Variants in BAIAP2L1 observed in about 807,000 individuals in gnomAD.
BAIAP2L1 encodes the protein BAR/IMD domain-containing adapter protein 2-like 1.
A neutral mutation model predicts 66.3 loss-of-function variants in BAIAP2L1; 35 were observed. That is an observed-to-expected ratio of 0.53 (90% CI 0.40 to 0.70). BAIAP2L1 has a LOEUF of 0.70. Among genes scored for constraint, BAIAP2L1 ranks in the 30% least tolerant of loss-of-function variants. The pLI is 0.00. For missense variants in BAIAP2L1, 622 were observed against 656.9 expected, an observed-to-expected ratio of 0.95 and a Z score of 0.58; for synonymous variants, 269 against 248.7, an observed-to-expected ratio of 1.08 and a Z score of -0.77.
chr7:98,313,792 C>G (rs1800967754), intron 7 of BAIAP2L1, among the ~76,000 whole-genome samples: 1 of 132,944 alleles, frequency 7.5e-6, no homozygotes, highest in Non-Finnish European at 1.6e-5. Flanking sequence ...CTAATTAAAA[C>G]TTTTTTTTTT....
intron 3 of BAIAP2L1, among the ~76,000 whole-genome samples, chr7:98,340,823 T>A (rs1291370653): frequency 6.6e-6 from 1 of 150,876 alleles, no homozygotes; most frequent in East Asian, 2.0e-4. Flanking sequence ...GGGACAGAGT[T>A]TCACTCTGTC....
intron 3 of BAIAP2L1, among the ~76,000 whole-genome samples, chr7:98,324,327 CAG>C (rs1404449283): frequency 1.3e-5 from 2 of 152,234 alleles, no homozygotes; most frequent in Admixed American, 6.5e-5. Context: ...ATAATTCACA[CAG>C]AGTGTTAGAG....
chr7:98,382,353 T>C (rs1325186891), intron 1 of BAIAP2L1, among the ~76,000 whole-genome samples: 2 of 152,088 alleles, frequency 1.3e-5, no homozygotes, highest in East Asian at 1.9e-4. Flanking sequence ...AGTTCAAGAT[T>C]AGAAAATTTC....
chr7:98,330,963 A>C (rs1205084127), intron 3 of BAIAP2L1, among the ~76,000 whole-genome samples: 1 of 152,110 alleles, frequency 6.6e-6, no homozygotes. Flanking sequence ...CTAGGCCCCC[A>C]CCTCCAATAG....
chr7:98,296,151 A>C (rs1005987108), intron 12 of BAIAP2L1, among the ~76,000 whole-genome samples: 10 of 152,230 alleles, frequency 6.6e-5, no homozygotes, highest in East Asian at 3.8e-4. Flanking sequence ...GCCACCCCAG[A>C]CAGCCATCTC....
intron 12 of BAIAP2L1, among the ~76,000 whole-genome samples, chr7:98,300,033 T>C (rs1361033523): frequency 6.6e-6 from 1 of 152,172 alleles, no homozygotes; most frequent in Non-Finnish European, 1.5e-5. Context: ...AGAGCAAGAC[T>C]CCGTCTCATA....
intron 1 of BAIAP2L1, among the ~76,000 whole-genome samples, chr7:98,388,385 C>A (rs539121060): frequency 5.9e-5 from 9 of 152,160 alleles, no homozygotes; most frequent in Non-Finnish European, 2.9e-5. Flanking sequence ...CCCGGCTACT[C>A]GGGAGGCCAA....
chr7:98,379,634 T>C (rs1451969191), intron 1 of BAIAP2L1, among the ~76,000 whole-genome samples: 1 of 152,214 alleles, frequency 6.6e-6, no homozygotes, highest in Non-Finnish European at 1.5e-5. Context: ...AAGGCATTAA[T>C]GTGGCCTCTT....
chr7:98,380,744 T>C (rs917651561), intron 1 of BAIAP2L1, among the ~76,000 whole-genome samples: 20 of 149,892 alleles, frequency 1.3e-4, no homozygotes, highest in Non-Finnish European at 2.4e-4. Flanking sequence ...CCGTTTTTTT[T>C]TTTTTTTTAA....
intron 3 of BAIAP2L1, among the ~76,000 whole-genome samples, chr7:98,352,459 T>A (rs951356466): frequency 6.6e-6 from 1 of 152,190 alleles, no homozygotes; most frequent in South Asian, 2.1e-4. Context: ...CTGGCCAAGA[T>A]GGTGAAACCA....
rs1800049425 is a variant in BAIAP2L1 at position 98,293,404 on chromosome 7, A to G, written c.*117T>C. Reference sequence around the variant, plus strand: ...AGCATGATTTGCTTAAGCAGGCGACATTAGAGTTAGGCCTCTCCACTGAAG... The same window carrying G: ...AGCATGATTTGCTTAAGCAGGCGACGTTAGAGTTAGGCCTCTCCACTGAAG... On this transcript the variant is annotated 3_prime_UTR_variant, in exon 14 of 14. Transcript: ENST00000005260. 1 of 931,636 alleles carries G rather than the reference A, an allele frequency of 1.1e-6. No homozygotes were observed. Among genetic ancestry groups the G allele is most frequent in the Non-Finnish European group, 1.7e-6 (1 of 593,730 alleles). 57.7% of individuals were successfully genotyped at this position (931,636 alleles called of 1,614,324 possible).
intron 3 of BAIAP2L1, among the ~76,000 whole-genome samples, chr7:98,346,078 G>GTGAATATAC (rs1801867003): frequency 6.6e-6 from 1 of 152,178 alleles, no homozygotes; most frequent in Admixed American, 6.6e-5. Flanking sequence ...ACACAACTTT[G>GTGAATATAC]TGAATATACT....
chr7:98,315,439 G>C (rs1189212622), intron 7 of BAIAP2L1, 21 bp downstream of exon 7: 4 of 1,390,840 alleles, frequency 2.9e-6, no homozygotes, highest in Non-Finnish European at 3.8e-6. Flanking sequence ...TACGCTCAAG[G>C]CAATTTGCCA....
chr7:98,292,983 T>C lies in BAIAP2L1; in HGVS notation c.*538A>G. 1.3e-5 allele frequency: 15 copies of C among 1,186,654 alleles called. No individual in the cohort carries two copies. In the South Asian group the frequency reaches 1.7e-4, roughly 14 times the overall value. The allele number at this position is 1,186,654 out of a possible 1,614,324, so 73.5% of individuals were successfully genotyped here. On this transcript the variant is annotated 3_prime_UTR_variant, in exon 14 of 14. Coordinates refer to ENST00000005260, the MANE Select transcript of BAIAP2L1 (RefSeq NM_018842.5). Reference sequence around the variant, plus strand: ...GGGAGGGTGGGGGTTTCTCCATCTCTGGAAGCTCTACACTTAAACATTTTA... The same window carrying C: ...GGGAGGGTGGGGGTTTCTCCATCTCCGGAAGCTCTACACTTAAACATTTTA...
chr7:98,391,364 T>C (rs1803039901), intron 1 of BAIAP2L1, among the ~76,000 whole-genome samples: 2 of 152,234 alleles, frequency 1.3e-5, no homozygotes, highest in South Asian at 4.1e-4. Flanking sequence ...CATCTCACTT[T>C]TATCCACAAA....
Position 98,306,481 on chromosome 7 carries a change from A to G in BAIAP2L1, c.1199T>C (p.Leu400Pro). ...CACTGCTTCTGTCTCATTTTCTTCC[A>G]GCAACTTCGTGTACGACGACGGGAA... ...GWFPSSYTKL[L>P]EENETEAVTV... The change falls in exon 11 of 14, where the codon CTG (leucine) becomes CCG (proline). Residue 400 changes from leucine to proline, a missense_variant. Leu to Pro is a moderately conservative substitution (Grantham distance 98). Transcript: ENST00000005260. 2.5e-6 allele frequency: 4 copies of G among 1,614,130 alleles called. No individual in the cohort carries two copies. Among genetic ancestry groups the G allele is most frequent in the Non-Finnish European group, 3.4e-6 (4 of 1,180,032 alleles).
intron 9 of BAIAP2L1, chr7:98,308,571 C>T (rs1800752278): frequency 6.0e-6 from 2 of 331,716 alleles, no homozygotes; most frequent in Non-Finnish European, 1.2e-5. Context: ...CAGGTTTGTC[C>T]CATACTCTCT....
At chr7:98,391,551 T>C (rs1196778899) in intron 1 of BAIAP2L1, among the ~76,000 whole-genome samples, 1 of 150,558 alleles carries the variant, frequency 6.6e-6, no homozygotes, top group Non-Finnish European at 1.5e-5. Context: ...CTACTAAAAA[T>C]ACAAAAAAAA....
chr7:98,364,986 C>CAAAAAAAAAAAAAAAAAAAAAAAAAAA (rs531177927), intron 1 of BAIAP2L1, among the ~76,000 whole-genome samples: 3 of 30,800 alleles, frequency 9.7e-5, no homozygotes, highest in African/African-American at 1.3e-4. Context: ...GGATATGTCT[C>CAAAAAAAAAAAAAAAAAAAAAAAAAAA]AAAAAAAAAA....
Sources: gnomAD v4.1 joint callset for allele counts (sites outside exome capture counted in the v4.1 genomes callset) on GRCh38, gnomAD v4.1.1 for gene constraint, MANE v1.5 for transcripts, NCBI Gene and HGNC (gene_info 2026-07-23, HGNC 2026-07-21) for gene names.